STK31: variants seen among roughly 807,000 people sequenced by gnomAD.
STK31 encodes the protein serine/threonine kinase 31.
In STK31, 89 loss-of-function variants were observed where a neutral mutation model predicts 129.7. The observed-to-expected ratio is 0.69, with a 90% CI of 0.58 to 0.82. The LOEUF is 0.82. Among genes scored for constraint, STK31 ranks in the 40% least tolerant of loss-of-function variants. The probability of loss-of-function intolerance (pLI) is 0.00; values close to 1 mark genes in which losing one functional copy is unlikely to be tolerated. For missense variants in STK31, 1,187 were observed against 1,176.4 expected, an observed-to-expected ratio of 1.01 and a Z score of -0.13; for synonymous variants, 448 against 395.3, an observed-to-expected ratio of 1.13 and a Z score of -1.58.
In STK31 at chr7:23,749,251, C is replaced by T. The variant is rs74550204; in HGVS notation, c.1018-3466C>T. On this transcript the variant is annotated intron_variant, in intron 8 of 23. Transcript: ENST00000355870. Reference sequence around the variant, plus strand: ...TCATTGTCTGATAATTCCAACATCCCGTCTACATCTGGTTCTGAATGTTTT... The same window carrying T: ...TCATTGTCTGATAATTCCAACATCCTGTCTACATCTGGTTCTGAATGTTTT... Among the ~76,000 whole-genome samples the T allele has an allele frequency of 9.1e-3, 1,382 of 152,124 alleles. 22 individuals carry two copies. The highest frequency in any genetic ancestry group is 0.03 in the African/African-American group (1,255 of 41,490).
chr7:23,730,513 G>T (rs1452716626), intron 6 of STK31, among the ~76,000 whole-genome samples: 2 of 152,052 alleles, frequency 1.3e-5, no homozygotes, highest in Non-Finnish European at 2.9e-5. Context: ...GGTTGGGGAG[G>T]CTTGTTTTGG....
rs545098973 is a variant in STK31 at position 23,799,783 on chromosome 7, A to C, written c.2760+8837A>C. 2.0e-5 allele frequency among the ~76,000 whole-genome samples: 3 copies of C among 152,272 alleles called. No homozygotes were observed. The South Asian group carries it at 6.2e-4, about 32-fold the overall frequency. On this transcript the variant is annotated intron_variant, in intron 22 of 23. Coordinates refer to ENST00000355870, the MANE Select transcript of STK31 (RefSeq NM_031414.5). ...GAGCTTCTGCACAGCAGAAGTGAAC[A>C]CATCAGAGTGAACAGGTAACCTACA...
At chr7:23,793,624 T>C (rs7791283) in intron 22 of STK31, among the ~76,000 whole-genome samples, 37,089 of 152,096 alleles carry the variant, frequency 0.24, 4,790 homozygotes, top group South Asian at 0.34. Context: ...CATGTAAGCA[T>C]GTGAAAGATG....
At chr7:23,721,251 G>A (rs1303220333) in intron 4 of STK31, 15 of 481,490 alleles carry the variant, frequency 3.1e-5, no homozygotes, top group Non-Finnish European at 4.5e-5. Flanking sequence ...CCTAACAAAC[G>A]CTACATTTTC....
chr7:23,767,484 C>T (rs1205149277), intron 11 of STK31, among the ~76,000 whole-genome samples: 1 of 152,188 alleles, frequency 6.6e-6, no homozygotes, highest in East Asian at 1.9e-4. Context: ...CTCTTTGCTT[C>T]TCTCCTGGGT....
rs763815033 is a variant in STK31, at chr7:23,737,015, C to T, written c.954C>T (p.Asp318=). 22 of 1,612,674 alleles carry T rather than the reference C, an allele frequency of 1.4e-5. No homozygotes were observed. The highest frequency in any genetic ancestry group is 8.9e-5 in the East Asian group (4 of 44,848). ...ATGAAAAACTTAAAACAGAGAAGGA[C>T]GCTCTTCTTGAAAGTTATAAGGCGT... The part of the protein sequence containing the change: ...EENEKLKTEK[D]ALLESYKALE... The change falls in exon 8 of 24, where the codon GAC becomes GAT. Residue 318 remains aspartate (D), a synonymous_variant. Coordinates refer to ENST00000355870, the MANE Select transcript of STK31 (RefSeq NM_031414.5).
Position 23,749,344 on chromosome 7 carries a change from GTT to G in STK31, c.1018-3358_1018-3357del, listed in dbSNP as rs201417190. On this transcript the variant is annotated intron_variant, in intron 8 of 23. Coordinates refer to ENST00000355870, the MANE Select transcript of STK31 (RefSeq NM_031414.5). ...ATTTTTTCTTTTCTTTTCTTTTCTT[GTT>G]TTTTTTTTTTTTTTGAGACAGGGTC... Among the ~76,000 whole-genome samples, 292 of 124,888 alleles carry G rather than the reference GTT, an allele frequency of 2.3e-3. 4 individuals are homozygous for G. Among genetic ancestry groups the G allele is most frequent in the Admixed American group, 7.0e-3 (83 of 11,918 alleles). 81.9% of individuals were successfully genotyped at this position (124,888 alleles called of 152,430 possible). A position where few individuals can be genotyped will look rare whatever the true frequency, so the allele number is the denominator to read the frequency against.
At chr7:23,831,595 G>T (rs1290430507) in intron 23 of STK31, among the ~76,000 whole-genome samples, 3 of 152,158 alleles carry the variant, frequency 2.0e-5, no homozygotes, top group Non-Finnish European at 4.4e-5. Context: ...ATGCATGAGG[G>T]TTAATTTCTG....
At chr7:23,742,133 C>A (rs1788088561) in intron 8 of STK31, among the ~76,000 whole-genome samples, 1 of 152,216 alleles carries the variant, frequency 6.6e-6, no homozygotes, top group African/African-American at 2.4e-5. Flanking sequence ...TGGGCAGTGA[C>A]TGGGGCTGTG....
chr7:23,795,821 A>G (rs1791916869), intron 22 of STK31, among the ~76,000 whole-genome samples: 1 of 152,340 alleles, frequency 6.6e-6, no homozygotes, highest in East Asian at 1.9e-4. Context: ...TGAGGCCTGT[A>G]GCCCCTTTGT....
At chr7:23,782,546 A>T (rs971155457) in intron 16 of STK31, among the ~76,000 whole-genome samples, 1 of 151,946 alleles carries the variant, frequency 6.6e-6, no homozygotes. Flanking sequence ...GGTAAGTGTC[A>T]TGCTTTCTTT....
chr7:23,787,034 G>A, intron 20 of STK31, 110 bp downstream of exon 20: 2 of 1,050,678 alleles, frequency 1.9e-6, no homozygotes, highest in East Asian at 2.4e-5. Context: ...TTTGACTCAT[G>A]GTATTCTATT....
At chr7:23,782,248 G>A (rs913021447) in intron 16 of STK31, among the ~76,000 whole-genome samples, 6 of 151,998 alleles carry the variant, frequency 3.9e-5, no homozygotes, top group South Asian at 4.2e-4. Context: ...CGAGGCGGGC[G>A]GATCACTTGA....
intron 8 of STK31, among the ~76,000 whole-genome samples, chr7:23,743,636 T>C (rs906140821): frequency 9.9e-5 from 15 of 152,178 alleles, no homozygotes; most frequent in Non-Finnish European, 7.3e-5. Context: ...TTTATCTGTT[T>C]AGGCATCTCT....
At chr7:23,725,854 T>A (rs1487939838) in intron 4 of STK31, 1 of 152,246 alleles carries the variant, frequency 6.6e-6, no homozygotes, top group African/African-American at 2.4e-5. Context: ...AAAGTCTTTT[T>A]GCTTTTTATA....
At chr7:23,811,673 G>T (rs780052170) in intron 22 of STK31, 9 of 155,944 alleles carry the variant, frequency 5.8e-5, no homozygotes, top group African/African-American at 1.9e-4. Context: ...TATAGCAGAA[G>T]CCTGGAGCTT....
intron 4 of STK31, among the ~76,000 whole-genome samples, chr7:23,719,166 A>G (rs899780195): frequency 2.0e-5 from 3 of 151,638 alleles, no homozygotes; most frequent in African/African-American, 7.3e-5. Flanking sequence ...TTTAATTTTC[A>G]TTTTTGTTTC....
intron 22 of STK31, among the ~76,000 whole-genome samples, chr7:23,799,079 A>G (rs1277391390): frequency 6.6e-6 from 1 of 151,596 alleles, no homozygotes; most frequent in African/African-American, 2.4e-5. Context: ...ACCACTGCTC[A>G]AGGAAATAAG....
intron 8 of STK31, among the ~76,000 whole-genome samples, chr7:23,750,064 G>GT (rs1198584416): frequency 1.2e-5 from 1 of 85,984 alleles, no homozygotes; most frequent in Non-Finnish European, 2.5e-5. Flanking sequence ...AGAATGGTTT[G>GT]TTTCCCCCCC....
Sources: gnomAD v4.1 joint callset for allele counts (sites outside exome capture counted in the v4.1 genomes callset) on GRCh38, gnomAD v4.1.1 for gene constraint, MANE v1.5 for transcripts, NCBI Gene and HGNC (gene_info 2026-07-23, HGNC 2026-07-21) for gene names.